RBFOX1: variants seen among roughly 807,000 people sequenced by gnomAD.
RBFOX1 encodes RNA binding protein fox-1 homolog 1.
RBFOX1 carries 8 observed loss-of-function variants against 57.7 expected under a neutral mutation model. The ratio of observed to expected loss-of-function variants is 0.14; its 90% CI spans 0.08 to 0.25. The LOEUF (loss-of-function observed/expected upper bound fraction) is 0.25. Among genes scored for constraint, RBFOX1 ranks in the 10% least tolerant of loss-of-function variants. The pLI is 1.00. For missense variants in RBFOX1, 611 were observed against 548.5 expected (o/e 1.11, Z -1.14); for synonymous variants, 326 against 222.4 (o/e 1.47, Z -4.15).
intron 5 of RBFOX1, among the ~76,000 whole-genome samples, chr16:7,520,023 C>A (rs2077190864): frequency 6.6e-6 from 1 of 152,022 alleles, no homozygotes; most frequent in South Asian, 2.1e-4. Flanking sequence ...GTAGCTGGGA[C>A]TACAGGCACC....
At chr16:6,729,771 C>A (rs2192351) in intron 3 of RBFOX1, among the ~76,000 whole-genome samples, 137,641 of 152,198 alleles carry the variant, frequency 0.9, 63,906 homozygotes, top group East Asian at 1. Flanking sequence ...ACTCTGTGTT[C>A]ACTTAAGTTG....
chr16:6,870,650 CGAT>C (rs1055418097), intron 3 of RBFOX1, among the ~76,000 whole-genome samples: 1 of 152,066 alleles, frequency 6.6e-6, no homozygotes, highest in African/African-American at 2.4e-5. Flanking sequence ...ACAAAACAAA[CGAT>C]GATGGGAATA....
intron 3 of RBFOX1, among the ~76,000 whole-genome samples, chr16:6,962,295 A>G (rs1568105358): frequency 6.6e-6 from 1 of 152,136 alleles, no homozygotes; most frequent in Non-Finnish European, 1.5e-5. Flanking sequence ...CCCACCCTAA[A>G]TTCAGGACAA....
At chr16:7,151,974 C>A (rs1444014256) in intron 4 of RBFOX1, among the ~76,000 whole-genome samples, 1 of 152,150 alleles carries the variant, frequency 6.6e-6, no homozygotes, top group Non-Finnish European at 1.5e-5. Flanking sequence ...CTGCTTACCT[C>A]CTGCTGTGTG....
At chr16:7,096,342 C>G (rs558610871) in intron 4 of RBFOX1, among the ~76,000 whole-genome samples, 1 of 152,138 alleles carries the variant, frequency 6.6e-6, no homozygotes, top group African/African-American at 2.4e-5. Context: ...GATCATCTCA[C>G]CATGTCATGG....
intron 1 of RBFOX1, among the ~76,000 whole-genome samples, chr16:6,033,236 G>C (rs2095315585): frequency 6.6e-6 from 1 of 152,194 alleles, no homozygotes; most frequent in Non-Finnish European, 1.5e-5. Flanking sequence ...GGGATAATTT[G>C]CCAGCATGTA....
intron 4 of RBFOX1, among the ~76,000 whole-genome samples, chr16:7,447,695 G>C (rs897821171): frequency 1.3e-5 from 2 of 151,572 alleles, no homozygotes; most frequent in Admixed American, 1.3e-4. Flanking sequence ...GCCTCTGTTG[G>C]CCTAGTCTCT....
intron 1 of RBFOX1, among the ~76,000 whole-genome samples, chr16:6,249,426 G>C (rs2097589309): frequency 6.6e-6 from 1 of 152,158 alleles, no homozygotes; most frequent in Non-Finnish European, 1.5e-5. Context: ...TCGGGAGACT[G>C]AGGCAGAGAA....
intron 2 of RBFOX1, among the ~76,000 whole-genome samples, chr16:6,425,684 T>C (rs1164485024): frequency 2.0e-5 from 3 of 152,184 alleles, no homozygotes; most frequent in African/African-American, 7.2e-5. Context: ...AAGATTTGTA[T>C]TGCCTGGTTT....
At chr16:7,449,725 T>TGGGGG (rs1157106153) in intron 4 of RBFOX1, among the ~76,000 whole-genome samples, 3 of 71,240 alleles carry the variant, frequency 4.2e-5, no homozygotes, top group Non-Finnish European at 9.0e-5. Context: ...TGTGTGTGTG[T>TGGGGG]GTGTGGGGGG....
chr16:7,431,090 C>T (rs966394664), intron 4 of RBFOX1: 3 of 151,722 alleles, frequency 2.0e-5, no homozygotes, highest in African/African-American at 4.9e-5. Flanking sequence ...TTTTCCATAA[C>T]AACAACCTCA....
At chr16:6,871,666 CCTTT>C (rs140642075) in intron 3 of RBFOX1, among the ~76,000 whole-genome samples, 13,873 of 152,104 alleles carry the variant, frequency 0.091, 672 homozygotes, top group South Asian at 0.12. Context: ...TCTAAACTGG[CCTTT>C]CTTCCTCCAC....
Position 5,966,507 on chromosome 16 carries a change from G to C in RBFOX1, c.351+99172G>C, listed in dbSNP as rs140714589. On this transcript the variant is annotated intron_variant, in intron 4 of 19. Transcript: ENST00000641259. ...GAGTCTTACTCAGTCCCCCAGGCTGGAGCGCAATGGCGCGTTCTCGGCTCA... is the reference window on the plus strand; with the variant it reads ...GAGTCTTACTCAGTCCCCCAGGCTGCAGCGCAATGGCGCGTTCTCGGCTCA... Among the ~76,000 whole-genome samples the C allele has an allele frequency of 4.5e-4, 68 of 152,288 alleles. 1 individual carries two copies. Among genetic ancestry groups the C allele is most frequent in the African/African-American group, 1.6e-3 (65 of 41,562 alleles).
At chr16:5,770,410 A>T (rs1333382547) in intron 3 of RBFOX1, among the ~76,000 whole-genome samples, 1 of 152,234 alleles carries the variant, frequency 6.6e-6, no homozygotes, top group African/African-American at 2.4e-5. Flanking sequence ...GTTACCTTAT[A>T]GGGTTTAAAA....
At chr16:5,870,202 A>C (rs1376690620) in intron 4 of RBFOX1, among the ~76,000 whole-genome samples, 1 of 150,650 alleles carries the variant, frequency 6.6e-6, no homozygotes, top group Non-Finnish European at 1.5e-5. Flanking sequence ...TGATAAAAGT[A>C]GCAATAGTGG....
intron 2 of RBFOX1, among the ~76,000 whole-genome samples, chr16:6,378,003 C>T (rs184539804): frequency 4.6e-5 from 7 of 152,312 alleles, no homozygotes; most frequent in East Asian, 3.9e-4. Context: ...AAAATCCAAA[C>T]GAGGTGATCT....
intron 4 of RBFOX1, among the ~76,000 whole-genome samples, chr16:7,214,705 C>G (rs139685861): frequency 2.0e-5 from 3 of 152,036 alleles, no homozygotes; most frequent in Non-Finnish European, 4.4e-5. Context: ...CACAGGCTAC[C>G]GTATACTGCG....
chr16:6,166,446 C>CCT (rs2096917849), intron 1 of RBFOX1, among the ~76,000 whole-genome samples: 5 of 152,016 alleles, frequency 3.3e-5, no homozygotes, highest in African/African-American at 1.2e-4. Flanking sequence ...AGGTGTCTCT[C>CCT]TCTTTCTCTC....
chr16:6,957,414 C>T (rs890603391), intron 3 of RBFOX1, among the ~76,000 whole-genome samples: 1 of 152,088 alleles, frequency 6.6e-6, no homozygotes, highest in African/African-American at 2.4e-5. Context: ...CCGGTTATTT[C>T]TTCATGATAT....
Sources: gnomAD v4.1 joint callset for allele counts (sites outside exome capture counted in the v4.1 genomes callset) on GRCh38, gnomAD v4.1.1 for gene constraint, MANE v1.5 for transcripts, NCBI Gene and HGNC (gene_info 2026-07-23, HGNC 2026-07-21) for gene names.